ITFG1: variants seen among roughly 807,000 people sequenced by gnomAD.
ITFG1 encodes the protein T-cell immunomodulatory protein.
Under a neutral mutation model 81.8 loss-of-function variants are expected in ITFG1, and 34 were observed. The ratio of observed to expected loss-of-function variants is 0.42; its 90% CI spans 0.32 to 0.55. ITFG1 has a LOEUF of 0.55. Ranked by LOEUF, ITFG1 falls within the 20% of genes least tolerant of loss-of-function variation. ITFG1 has a pLI of 0.17. For missense variants in ITFG1, 672 were observed against 755.4 expected, an observed-to-expected ratio of 0.89 and a Z score of 1.29; for synonymous variants, 285 against 270.6, an observed-to-expected ratio of 1.05 and a Z score of -0.52.
chr16:47,224,334 A>G (rs1965732678), intron 13 of ITFG1, among the ~76,000 whole-genome samples: 1 of 152,206 alleles, frequency 6.6e-6, no homozygotes, highest in Admixed American at 6.5e-5. Flanking sequence ...GGAAAAATGG[A>G]AATGAGATAT....
chr16:47,448,649 C>A (rs1969351366), intron 5 of ITFG1: 1 of 135,128 alleles, frequency 7.4e-6, no homozygotes, highest in African/African-American at 2.9e-5. Flanking sequence ...TTTTAACAGA[C>A]CAACATTATA....
chr16:47,325,033 C>A (rs1967512091), intron 8 of ITFG1, among the ~76,000 whole-genome samples: 1 of 152,108 alleles, frequency 6.6e-6, no homozygotes, highest in African/African-American at 2.4e-5. Flanking sequence ...AATATACATT[C>A]TTTTCAGCAC....
chr16:47,387,130 C>T (rs939708044), intron 6 of ITFG1, among the ~76,000 whole-genome samples: 1 of 152,096 alleles, frequency 6.6e-6, no homozygotes, highest in African/African-American at 2.4e-5. Flanking sequence ...ATTACTGAAG[C>T]CTAACAGCTG....
intron 10 of ITFG1, among the ~76,000 whole-genome samples, chr16:47,297,263 A>G (rs1250100773): frequency 1.3e-5 from 2 of 152,074 alleles, no homozygotes; most frequent in Non-Finnish European, 1.5e-5. Context: ...GTTTCCATTC[A>G]TGTGAGGAAA....
At chr16:47,376,535 T>G (rs753718334) in intron 6 of ITFG1, among the ~76,000 whole-genome samples, 4 of 152,222 alleles carry the variant, frequency 2.6e-5, no homozygotes, top group Non-Finnish European at 5.9e-5. Context: ...TGAAACATCC[T>G]ATTATTGTAA....
At chr16:47,221,841 A>G (rs1280085835) in intron 13 of ITFG1, among the ~76,000 whole-genome samples, 2 of 151,938 alleles carry the variant, frequency 1.3e-5, no homozygotes, top group Admixed American at 6.6e-5. Flanking sequence ...AAATTTATCC[A>G]TTTCTTCTAG....
intron 13 of ITFG1, among the ~76,000 whole-genome samples, chr16:47,237,542 A>G (rs1965890303): frequency 6.6e-6 from 1 of 152,228 alleles, no homozygotes; most frequent in African/African-American, 2.4e-5. Context: ...CAGCAAGTCA[A>G]TATTAAGACT....
At chr16:47,322,378 A>G (rs1191428515) in intron 8 of ITFG1, among the ~76,000 whole-genome samples, 2 of 152,156 alleles carry the variant, frequency 1.3e-5, no homozygotes, top group East Asian at 3.8e-4. Context: ...TTTATGATCT[A>G]CAACGTGATG....
At chr16:47,181,519 C>A (rs191454242) in intron 14 of ITFG1, among the ~76,000 whole-genome samples, 1,915 of 143,638 alleles carry the variant, frequency 0.013, 21 homozygotes, top group Non-Finnish European at 0.022. Context: ...TCAGCCCCCC[C>A]ACCCGGCCAG....
chr16:47,375,920 T>C lies in ITFG1; in HGVS notation c.676A>G (p.Asn226Asp). 10 of 1,605,204 alleles carry C rather than the reference T, an allele frequency of 6.2e-6. No individual in the cohort carries two copies. Among genetic ancestry groups the C allele is most frequent in the Non-Finnish European group, 8.5e-6 (10 of 1,172,514 alleles). The change falls in exon 7 of 18, where the codon AAT becomes GAT. Residue 226 changes from asparagine (N) to aspartate (D), a missense_variant. By Grantham distance (23) the Asn-to-Asp change is conservative (BLOSUM62 1). Coordinates refer to ENST00000320640, the MANE Select transcript of ITFG1 (RefSeq NM_030790.5). ...FTADLFLTTL[N>D]ATTSTFQFEI... ...AACTGGAAGGTACTAGTGGTGGCAT[T>C]CAATGTCGTCAGGAATAAATCTAGA...
intron 13 of ITFG1, among the ~76,000 whole-genome samples, chr16:47,228,363 TG>T (rs1421450901): frequency 5.3e-5 from 8 of 151,594 alleles, no homozygotes; most frequent in African/African-American, 1.5e-4. Context: ...GTTTTTTTTT[TG>T]TTTGTTTGTT....
At chr16:47,369,879 G>A (rs1163572233) in intron 7 of ITFG1, among the ~76,000 whole-genome samples, 2 of 93,664 alleles carry the variant, frequency 2.1e-5, no homozygotes, top group Non-Finnish European at 3.8e-5. Flanking sequence ...TTGCTGTGTT[G>A]TGCAGGCTGG....
At chr16:47,175,585 T>C (rs1965014781) in intron 14 of ITFG1, among the ~76,000 whole-genome samples, 2 of 152,206 alleles carry the variant, frequency 1.3e-5, no homozygotes, top group Non-Finnish European at 1.5e-5. Flanking sequence ...CTTACTGCTC[T>C]ATGAAAAGGA....
chr16:47,428,538 T>C (rs966176443), intron 6 of ITFG1, among the ~76,000 whole-genome samples: 3 of 121,754 alleles, frequency 2.5e-5, no homozygotes, highest in Non-Finnish European at 4.0e-5. Flanking sequence ...GCAGGCAACA[T>C]GTGCTGAAAT....
chr16:47,297,207 A>G (rs1372192849), intron 10 of ITFG1, among the ~76,000 whole-genome samples: 1 of 151,950 alleles, frequency 6.6e-6, no homozygotes, highest in Non-Finnish European at 1.5e-5. Context: ...TTTGATTTAA[A>G]GTATGTTCTA....
intron 12 of ITFG1, among the ~76,000 whole-genome samples, chr16:47,243,480 T>G (rs1032602410): frequency 6.6e-6 from 1 of 152,152 alleles, no homozygotes; most frequent in African/African-American, 2.4e-5. Context: ...TCCCTACAAC[T>G]TTCAGGGAAG....
chr16:47,259,925 T>G (rs563048766), intron 11 of ITFG1, among the ~76,000 whole-genome samples: 1 of 152,196 alleles, frequency 6.6e-6, no homozygotes, highest in African/African-American at 2.4e-5. Context: ...GTCTGTTATT[T>G]GTTGGCTGTA....
chr16:47,240,739 C>T (rs767103325), intron 12 of ITFG1, among the ~76,000 whole-genome samples: 4 of 152,172 alleles, frequency 2.6e-5, no homozygotes, highest in Non-Finnish European at 4.4e-5. Context: ...AATCTTGTCA[C>T]ATATTACAAT....
chr16:47,357,753 C>T (rs1461770191), intron 8 of ITFG1, among the ~76,000 whole-genome samples: 1 of 152,038 alleles, frequency 6.6e-6, no homozygotes, highest in Non-Finnish European at 1.5e-5. Context: ...TACAAAATGG[C>T]TCCAGGGATA....
Sources: allele counts gnomAD v4.1 joint callset (sites outside exome capture counted in the v4.1 genomes callset), GRCh38; gene constraint gnomAD v4.1.1; transcripts MANE v1.5; gene names NCBI Gene and HGNC (gene_info 2026-07-23, HGNC 2026-07-21).